The following ARID3A variants were observed in gnomAD, a reference collection of about 807,000 sequenced individuals.
ARID3A encodes the protein AT-rich interactive domain-containing protein 3A.
Under a neutral mutation model 52.7 loss-of-function variants are expected in ARID3A, and 11 were observed. The observed-to-expected ratio is 0.21, with a 90% confidence interval of 0.13 to 0.35. The LOEUF (loss-of-function observed/expected upper bound fraction) is 0.35, where lower values mean the gene tolerates loss of function less well. Among genes scored for constraint, ARID3A ranks in the 10% least tolerant of loss-of-function variants. ARID3A has a pLI of 1.00. For missense variants in ARID3A, 721 were observed against 838.5 expected, an observed-to-expected ratio of 0.86 and a Z score of 1.73; for synonymous variants, 404 against 359.4, an observed-to-expected ratio of 1.12 and a Z score of -1.40.
intron 3 of ARID3A, among the ~76,000 whole-genome samples, chr19:954,317 G>A (rs549144243): frequency 6.6e-6 from 1 of 152,098 alleles, no homozygotes; most frequent in Non-Finnish European, 1.5e-5. Context: ...AAGGGGAGAC[G>A]ATGGGCCCAG....
chr19:926,221 C>T (rs905544057), intron 1 of ARID3A, among the ~76,000 whole-genome samples, 162 bp downstream of exon 1: 1 of 151,462 alleles, frequency 6.6e-6, no homozygotes, highest in Non-Finnish European at 1.5e-5. Flanking sequence ...GCGCGCTGGC[C>T]GTTCCCAGCG....
At chr19:961,069 G>A (rs188181175) in intron 4 of ARID3A, among the ~76,000 whole-genome samples, 66 of 152,224 alleles carry the variant, frequency 4.3e-4, no homozygotes, top group Admixed American at 2.7e-3. Context: ...GGTAGGAGCC[G>A]CCCCAACCCC....
rs183032885 is a variant in ARID3A at position 944,589 on chromosome 19, C to G, written c.693+11847C>G. ...CCCCGACCCCGGCCCTGGGAGGGCC[C>G]GACTGCCAGCCTGGCTGAACCTCCT... On this transcript the variant is annotated intron_variant, in intron 3 of 8. Coordinates refer to ENST00000263620, the MANE Select transcript of ARID3A (RefSeq NM_005224.3). The surrounding 1 kb of genome is among the most constrained non-coding windows in gnomAD (Gnocchi z 5.9). Among the ~76,000 whole-genome samples, 906 of 152,172 alleles carry G rather than the reference C, an allele frequency of 6.0e-3. 8 individuals carry two copies. The highest frequency in any genetic ancestry group is 0.021 in the African/African-American group (871 of 41,508).
At chr19:927,201 G>GT (rs1171872435) in intron 1 of ARID3A, among the ~76,000 whole-genome samples, 1 of 151,968 alleles carries the variant, frequency 6.6e-6, no homozygotes, top group Non-Finnish European at 1.5e-5. Flanking sequence ...TGTGGCCCAG[G>GT]ATCCCTCCGC....
At position 973,531 on chromosome 19, in the gene ARID3A, G is replaced by T. The variant is rs1479338653; in HGVS notation, c.*1466G>T. On this transcript the variant is annotated 3_prime_UTR_variant, in exon 9 of 9. Coordinates refer to ENST00000263620, the MANE Select transcript of ARID3A (RefSeq NM_005224.3). Reference sequence around the variant, plus strand: ...CAGGGATGAATGTGGCGTCTCATTGGGATTCTTCTCTTGCCCGAAAGGGCT... The same window carrying T: ...CAGGGATGAATGTGGCGTCTCATTGTGATTCTTCTCTTGCCCGAAAGGGCT... 4.5e-6 allele frequency: 1 copy of T among 222,210 alleles called. No homozygotes were observed. Among genetic ancestry groups the T allele is most frequent in the Non-Finnish European group, 9.0e-6 (1 of 111,150 alleles). The allele number at this position is 222,210 out of a possible 1,614,324, so 13.8% of individuals were successfully genotyped here.
chr19:951,064 C>G (rs545955695), intron 3 of ARID3A, among the ~76,000 whole-genome samples: 1 of 151,638 alleles, frequency 6.6e-6, no homozygotes, highest in East Asian at 2.0e-4. Context: ...TCAGGTGATC[C>G]GCCCGCCTCA....
rs76801073 is a variant in ARID3A, at chr19:964,483, A to T, written c.950+52A>T. 6,988 of 1,516,214 alleles carry T rather than the reference A, an allele frequency of 4.6e-3. 271 individuals carry two copies. In the African/African-American group the frequency reaches 0.084, roughly 18 times the overall value. 93.9% of individuals were successfully genotyped at this position (1,516,214 alleles called of 1,614,324 possible). A position where few individuals can be genotyped will look rare whatever the true frequency, so the allele number is the denominator to read the frequency against. ...TCGGGCCAGGGCACTCTGAGCAGCCAGTGCAAGGGGCCTGCAGAAGAGGGA... is the reference window on the plus strand; with the variant it reads ...TCGGGCCAGGGCACTCTGAGCAGCCTGTGCAAGGGGCCTGCAGAAGAGGGA... On this transcript the variant is annotated intron_variant, in intron 5 of 8. Coordinates refer to ENST00000263620, the MANE Select transcript of ARID3A (RefSeq NM_005224.3). The surrounding 1 kb of genome is among the most constrained non-coding windows in gnomAD (Gnocchi z 5.7).
At chr19:951,268 C>A (rs2037797915) in intron 3 of ARID3A, among the ~76,000 whole-genome samples, 2 of 148,400 alleles carry the variant, frequency 1.3e-5, no homozygotes, top group African/African-American at 4.9e-5. Flanking sequence ...TTTATAAGAT[C>A]TTTTAAGGCC....
rs1032795833 is a variant in ARID3A at position 938,363 on chromosome 19, C to T, written c.693+5621C>T. ...AAGTGACTGAGTGTTTTAGATGGGT[C>T]GTCTCCCAGATCCTCACTGGATCCC... is the stretch of plus-strand genomic sequence containing the variant. On this transcript the variant is annotated intron_variant, in intron 3 of 8. Coordinates refer to ENST00000263620, the MANE Select transcript of ARID3A (RefSeq NM_005224.3). The surrounding 1 kb of genome is among the most constrained non-coding windows in gnomAD (Gnocchi z 4.0). Among the ~76,000 whole-genome samples, 4 of 152,208 alleles carry T rather than the reference C, an allele frequency of 2.6e-5. No individual in the cohort carries two copies. The highest frequency in any genetic ancestry group is 4.4e-5 in the Non-Finnish European group (3 of 68,044).
chr19:968,400 C>T lies in ARID3A; in HGVS notation c.1496-5C>T, dbSNP rs1042927531. The T allele has an allele frequency of 6.2e-6, 10 of 1,608,456 alleles. No individual in the cohort carries two copies. The African/African-American group carries it at 1.2e-4, about 19-fold the overall frequency. Reference sequence around the variant, plus strand: ...AAAGAAACTAATTTGTTCTTCTTCCCACAGCCTCCGAAAGCCGCCAGGACT... The same window carrying T: ...AAAGAAACTAATTTGTTCTTCTTCCTACAGCCTCCGAAAGCCGCCAGGACT... On this transcript the variant is annotated splice_polypyrimidine_tract_variant and splice_region_variant and intron_variant, in intron 7 of 8. Coordinates refer to ENST00000263620, the MANE Select transcript of ARID3A (RefSeq NM_005224.3).
chr19:945,773 G>A (rs898593488), intron 3 of ARID3A, among the ~76,000 whole-genome samples: 2 of 152,188 alleles, frequency 1.3e-5, no homozygotes, highest in Non-Finnish European at 2.9e-5. Context: ...GGGCAGGCGT[G>A]TTCTGGCCCC....
intron 1 of ARID3A, 39 bp downstream of exon 1, chr19:926,098 C>A (rs2037190028): frequency 6.8e-6 from 1 of 147,278 alleles, no homozygotes; most frequent in African/African-American, 2.5e-5. Flanking sequence ...GGTCGGGGGC[C>A]GGGAGCCAGC....
intron 3 of ARID3A, among the ~76,000 whole-genome samples, chr19:937,447 TC>T (rs2037460056): frequency 6.6e-6 from 1 of 152,162 alleles, no homozygotes; most frequent in Non-Finnish European, 1.5e-5. Context: ...GTTTGCCCGT[TC>T]CGCTGTTGGT....
At position 959,792 on chromosome 19, in the gene ARID3A, C is replaced by T. The variant is rs1020955909; in HGVS notation, c.694-300C>T. On this transcript the variant is annotated intron_variant, in intron 3 of 8. Coordinates refer to ENST00000263620, the MANE Select transcript of ARID3A (RefSeq NM_005224.3). This position sits in a 1 kb window ranked among gnomAD's most constrained non-coding sequence, Gnocchi z 5.0. ...CGCTGCGGCCACAAGCCAGGACGCA[C>T]CTTGATCTGGGGTTCCCGGGCCCCT... Among the ~76,000 whole-genome samples the T allele has an allele frequency of 6.6e-5, 10 of 152,114 alleles. No individual in the cohort carries two copies. Among genetic ancestry groups the T allele is most frequent in the African/African-American group, 2.4e-4 (10 of 41,404 alleles).
Position 929,841 on chromosome 19 carries a change from G to C in ARID3A, c.313G>C (p.Gly105Arg), listed in dbSNP as rs2037284020. The C allele has an allele frequency of 6.5e-7, 1 of 1,545,018 alleles. No individual in the cohort carries two copies. The highest frequency in any genetic ancestry group is 1.4e-5 in the African/African-American group (1 of 73,214). Reference protein sequence around the residue: ...REGTPGSPGRGREGPGEEHFE... With the variant: ...REGTPGSPGRRREGPGEEHFE... ...GGGGACACCGGGCTCACCCGGGCGA[G>C]GCAGAGAAGGGCCAGGAGAGGAGCA... The change falls in exon 2 of 9, where the codon GGC (glycine) becomes CGC (arginine). Residue 105 changes from glycine (G) to arginine (R), a missense_variant. By Grantham distance (125) the Gly-to-Arg change is moderately radical. Around this residue, in one of 5 missense-constraint regions of ARID3A, gnomAD observed 349 missense variants for 297.3 expected, o/e 1.17. Coordinates refer to ENST00000263620, the MANE Select transcript of ARID3A (RefSeq NM_005224.3). This position sits in a 1 kb window ranked among gnomAD's most constrained non-coding sequence, Gnocchi z 6.2.
rs1278058538 is a variant in ARID3A, at chr19:931,608, C to G, written c.369-810C>G. The stretch of plus-strand genomic sequence containing the variant: ...TGGGCGGATCACGAGGTCAGGAGAT[C>G]GAGACCATCCTGGCTCACACGGTGA... On this transcript the variant is annotated intron_variant, in intron 2 of 8. Coordinates refer to ENST00000263620, the MANE Select transcript of ARID3A (RefSeq NM_005224.3). Among the ~76,000 whole-genome samples, 5 of 152,026 alleles carry G rather than the reference C, an allele frequency of 3.3e-5. No individual in the cohort carries two copies. In the South Asian group the frequency reaches 1.0e-3, roughly 32 times the overall value.
intron 4 of ARID3A, among the ~76,000 whole-genome samples, chr19:963,453 G>A (rs901310456): frequency 1.3e-5 from 2 of 152,230 alleles, no homozygotes; most frequent in African/African-American, 4.8e-5. Flanking sequence ...GGGAGGGGCT[G>A]GGCAGAGGTG....
intron 8 of ARID3A, among the ~76,000 whole-genome samples, chr19:969,246 T>C (rs1006456361): frequency 8.6e-5 from 13 of 152,040 alleles, no homozygotes; most frequent in African/African-American, 3.1e-4. Context: ...ATCCAAAAAA[T>C]TGAATCTAGG....
At chr19:951,354 A>G (rs1568365409) in intron 3 of ARID3A, among the ~76,000 whole-genome samples, 1 of 151,646 alleles carries the variant, frequency 6.6e-6, no homozygotes, top group Non-Finnish European at 1.5e-5. Flanking sequence ...CAGGAGTTCA[A>G]GACCAGCCTG....
Sources: gnomAD v4.1 joint callset for allele counts (sites outside exome capture counted in the v4.1 genomes callset) on GRCh38, gnomAD v4.1.1 for gene constraint, gnomAD v4.1.1 regional missense constraint, Gnocchi (gnomAD v3.1) non-coding constraint, MANE v1.5 for transcripts, NCBI Gene and HGNC (gene_info 2026-07-23, HGNC 2026-07-21) for gene names.